The following DDX4 variants were observed in gnomAD, a reference collection of about 807,000 sequenced individuals.
The protein encoded by DDX4 is DEAD-box helicase 4, also known as probable ATP-dependent RNA helicase DDX4.
Under a neutral mutation model 100.0 loss-of-function variants are expected in DDX4, and 25 were observed. The observed-to-expected ratio is 0.25, with a 90% CI of 0.18 to 0.35. DDX4 has a LOEUF of 0.35. Ranked by LOEUF, DDX4 falls within the 10% of genes least tolerant of loss-of-function variation. The pLI, the probability that DDX4 is intolerant of heterozygous loss-of-function variation, is 1.00. For synonymous variants in DDX4, 259 were observed against 275.7 expected (o/e 0.94, Z 0.60); for missense variants, 635 against 882.4 (o/e 0.72, Z 3.55).
intron 3 of DDX4, 44 bp from the exon 4 acceptor site, chr5:55,760,156 T>A: frequency 1.3e-6 from 2 of 1,553,658 alleles, no homozygotes; most frequent in Non-Finnish European, 1.7e-6. Flanking sequence ...AAGTACTAGA[T>A]ACTTGTTTTT....
chr5:55,785,636 T>C, intron 12 of DDX4, 93 bp from the exon 13 acceptor site: 1 of 1,322,190 alleles, frequency 7.6e-7, no homozygotes, highest in South Asian at 1.4e-5. Context: ...TCCATAGTAT[T>C]TAAAATTTGA....
chr5:55,767,310 G>A (rs1180703096), intron 6 of DDX4, among the ~76,000 whole-genome samples: 4 of 152,208 alleles, frequency 2.6e-5, no homozygotes, highest in South Asian at 2.1e-4. Context: ...GCATGGTGGC[G>A]CATGCCTGTA....
rs80195613 is a variant in DDX4, at chr5:55,761,323, C to T, written c.205+1046C>T. Among the ~76,000 whole-genome samples the T allele has an allele frequency of 1.5e-3, 235 of 152,030 alleles. 5 individuals are homozygous for T. In the East Asian group the frequency reaches 0.038, roughly 24 times the overall value. ...CATTTAGGAGCATATTTATTATTTA[C>T]GTATCTTTTAAAATTATATTTTAGT... is the stretch of plus-strand genomic sequence containing the variant. On this transcript the variant is annotated intron_variant, in intron 4 of 21. Coordinates refer to ENST00000505374, the MANE Select transcript of DDX4 (RefSeq NM_024415.3).
intron 10 of DDX4, among the ~76,000 whole-genome samples, chr5:55,784,349 G>T (rs1353400528): frequency 6.6e-6 from 1 of 152,116 alleles, no homozygotes; most frequent in Non-Finnish European, 1.5e-5. Flanking sequence ...GTTCTGTCTG[G>T]CCCCTAGCCT....
Position 55,746,226 on chromosome 5 carries a change from G to T in DDX4, c.127+5G>T. The T allele has an allele frequency of 6.2e-7, 1 of 1,609,474 alleles. No individual in the cohort carries two copies. The highest frequency in any genetic ancestry group is 8.5e-7 in the Non-Finnish European group (1 of 1,178,306). ...GGACTCCAGCTTCATCATCAGGTAT[G>T]TGTTATGGGAAAAAGGTAAAACCCT... is the stretch of plus-strand genomic sequence containing the variant. On this transcript the variant is annotated splice_donor_5th_base_variant and intron_variant, in intron 3 of 21. Coordinates refer to ENST00000505374, the MANE Select transcript of DDX4 (RefSeq NM_024415.3).
At chr5:55,792,567 G>T (rs2112061354) in intron 16 of DDX4, 74 bp from the exon 17 acceptor site, 3 of 766,140 alleles carry the variant, frequency 3.9e-6, no homozygotes, top group Non-Finnish European at 3.7e-6. Flanking sequence ...TATTTTAACA[G>T]TTGGAATTGT....
chr5:55,794,417 C>G (rs911168471), intron 17 of DDX4, among the ~76,000 whole-genome samples: 5 of 147,122 alleles, frequency 3.4e-5, no homozygotes, highest in Non-Finnish European at 7.4e-5. Flanking sequence ...CCAGGCTGGT[C>G]TTGAACTCCT....
chr5:55,790,944 C>G (rs887142370), intron 16 of DDX4, among the ~76,000 whole-genome samples: 2 of 152,124 alleles, frequency 1.3e-5, no homozygotes, highest in African/African-American at 4.8e-5. Flanking sequence ...TTAAAAATCC[C>G]TGAGTTAGCT....
intron 8 of DDX4, 79 bp downstream of exon 8, chr5:55,780,144 G>C: frequency 1.3e-6 from 2 of 1,551,158 alleles, no homozygotes; most frequent in South Asian, 2.4e-5. Flanking sequence ...TATCAAAGAA[G>C]GTTGTTATGA....
intron 17 of DDX4, among the ~76,000 whole-genome samples, chr5:55,794,891 G>A: frequency 6.6e-6 from 1 of 151,412 alleles, no homozygotes; most frequent in East Asian, 1.9e-4. Flanking sequence ...CCGTTCCCTT[G>A]GCTTCTACTT....
chr5:55,803,998 T>G (rs1004599363), intron 18 of DDX4, among the ~76,000 whole-genome samples: 2 of 150,782 alleles, frequency 1.3e-5, no homozygotes, highest in African/African-American at 2.4e-5. Flanking sequence ...TTCCTGACTT[T>G]TGAATGATTG....
chr5:55,783,821 C>G (rs1008616708), intron 10 of DDX4, among the ~76,000 whole-genome samples: 3 of 150,086 alleles, frequency 2.0e-5, no homozygotes, highest in Non-Finnish European at 3.0e-5. Context: ...CAATTCAAGT[C>G]CAAAGGAACC....
chr5:55,766,818 A>G, intron 6 of DDX4: 3 of 1,268,506 alleles, frequency 2.4e-6, no homozygotes, highest in Non-Finnish European at 1.1e-6. Context: ...CCATCTTTGT[A>G]TTCCCAAATG....
chr5:55,813,534 G>A, intron 18 of DDX4, 139 bp from the exon 19 acceptor site: 2 of 1,195,748 alleles, frequency 1.7e-6, no homozygotes, highest in South Asian at 5.1e-5. Flanking sequence ...TCCCTCTTAT[G>A]TACCAGGCTT....
At chr5:55,776,417 A>C (rs552116398) in intron 7 of DDX4, among the ~76,000 whole-genome samples, 1 of 152,308 alleles carries the variant, frequency 6.6e-6, no homozygotes, top group South Asian at 2.1e-4. Context: ...ACTTTTCCAG[A>C]GTTAGAGAGG....
At chr5:55,749,900 C>G (rs1190377965) in intron 3 of DDX4, among the ~76,000 whole-genome samples, 1 of 147,282 alleles carries the variant, frequency 6.8e-6, no homozygotes, top group African/African-American at 2.5e-5. Flanking sequence ...GGATTACAAA[C>G]TAGGCAGAAA....
intron 19 of DDX4, among the ~76,000 whole-genome samples, chr5:55,814,246 C>G (rs1181747329): frequency 1.3e-5 from 2 of 152,114 alleles, no homozygotes; most frequent in Admixed American, 1.3e-4. Flanking sequence ...TGTTTTTAAG[C>G]AAGCATTCTA....
At chr5:55,749,447 G>C (rs1759420621) in intron 3 of DDX4, among the ~76,000 whole-genome samples, 1 of 152,030 alleles carries the variant, frequency 6.6e-6, no homozygotes, top group Non-Finnish European at 1.5e-5. Context: ...AAAAAATTCT[G>C]CTGAACCTTG....
At chr5:55,755,821 A>G (rs1015624745) in intron 3 of DDX4, among the ~76,000 whole-genome samples, 13 of 152,216 alleles carry the variant, frequency 8.5e-5, no homozygotes, top group African/African-American at 2.4e-4. Context: ...TCAGAAGCTG[A>G]ACACTCCCTG....
Sources: allele counts gnomAD v4.1 joint callset (sites outside exome capture counted in the v4.1 genomes callset), GRCh38; gene constraint gnomAD v4.1.1; transcripts MANE v1.5; gene names NCBI Gene and HGNC (gene_info 2026-07-23, HGNC 2026-07-21).